The following CNGB1 variants were observed in gnomAD, a reference collection of about 807,000 sequenced individuals.
The protein encoded by CNGB1 is cyclic nucleotide gated channel subunit beta 1, also known as cyclic nucleotide-gated channel beta-1.
A neutral mutation model predicts 151.7 loss-of-function variants in CNGB1; 126 were observed. The ratio of observed to expected loss-of-function variants is 0.83; its 90% CI spans 0.72 to 0.96. The LOEUF is 0.96. CNGB1 is among the 40% of genes least tolerant of loss of function. The pLI, the probability that CNGB1 is intolerant of heterozygous loss-of-function variation, is 0.00. For synonymous variants in CNGB1, 623 were observed against 635.1 expected, an observed-to-expected ratio of 0.98 and a Z score of 0.29; for missense variants, 1,698 against 1,627.0, an observed-to-expected ratio of 1.04 and a Z score of -0.75.
rs1264371606 is a variant in CNGB1 at position 57,883,821 on chromosome 16, G to A, written c.*343C>T. On this transcript the variant is annotated 3_prime_UTR_variant, in exon 33 of 33. Transcript: ENST00000251102. Reference sequence around the variant, plus strand: ...TTTTCAGCAAAGCTTCCCATGTATTGGAGCCTCATTTTATCCCTCACCCAT... The same window carrying A: ...TTTTCAGCAAAGCTTCCCATGTATTAGAGCCTCATTTTATCCCTCACCCAT... 9.4e-6 allele frequency: 4 copies of A among 424,176 alleles called. No individual in the cohort carries two copies. The highest frequency in any genetic ancestry group is 4.9e-5 in the East Asian group (1 of 20,218). 26.3% of individuals were successfully genotyped at this position (424,176 alleles called of 1,614,324 possible).
chr16:57,894,823 A>G lies in CNGB1; in HGVS notation c.3242+2574T>C, dbSNP rs375485179. Among the ~76,000 whole-genome samples the G allele has an allele frequency of 2.0e-4, 30 of 152,328 alleles. No homozygotes were observed. In the South Asian group the frequency reaches 6.2e-3, roughly 32 times the overall value. Reference sequence around the variant, plus strand: ...GTTCTACATACTGAAAACAAGAAAAAGTCAACAAAGATCAGGGTGGCAGGA... The same window carrying G: ...GTTCTACATACTGAAAACAAGAAAAGGTCAACAAAGATCAGGGTGGCAGGA... On this transcript the variant is annotated intron_variant, in intron 31 of 32. Coordinates refer to ENST00000251102, the MANE Select transcript of CNGB1 (RefSeq NM_001297.5).
At chr16:57,889,158 T>C (rs549579878) in intron 31 of CNGB1, among the ~76,000 whole-genome samples, 2 of 152,280 alleles carry the variant, frequency 1.3e-5, no homozygotes, top group Non-Finnish European at 2.9e-5. Flanking sequence ...CTTTATTTAT[T>C]TTTTATTTGA....
At chr16:57,968,094 T>C (rs1396591067) in intron 1 of CNGB1, among the ~76,000 whole-genome samples, 1 of 152,236 alleles carries the variant, frequency 6.6e-6, no homozygotes, top group African/African-American at 2.4e-5. Context: ...AGTCAAGTCA[T>C]GAGCAGATCA....
chr16:57,965,370 T>A (rs1962367771), intron 2 of CNGB1, among the ~76,000 whole-genome samples: 1 of 152,210 alleles, frequency 6.6e-6, no homozygotes, highest in Non-Finnish European at 1.5e-5. Context: ...AACGTGCATA[T>A]ACACACATGC....
In CNGB1 at chr16:57,964,488, C is replaced by G; in HGVS notation, c.216G>C (p.Gln72His). 1.2e-6 allele frequency: 2 copies of G among 1,614,088 alleles called. No homozygotes were observed. Among genetic ancestry groups the G allele is most frequent in the Non-Finnish European group, 1.7e-6 (2 of 1,180,020 alleles). The change falls in exon 3 of 33, where the codon CAG becomes CAC. Residue 72 changes from glutamine to histidine, a missense_variant and splice_region_variant. Gln to His is a conservative substitution (Grantham distance 24). Transcript: ENST00000251102. Reference protein sequence around the residue: ...EEVAVADPSPQETKEAALTST... With the variant: ...EEVAVADPSPHETKEAALTST... ...CTGGGCTTCAGCACTCGCACTCACC[C>G]TGAGGGCTTGGGTCTGCCACAGCCA...
At chr16:57,962,046 C>T (rs1014257821) in intron 7 of CNGB1, among the ~76,000 whole-genome samples, 4 of 152,198 alleles carry the variant, frequency 2.6e-5, no homozygotes, top group South Asian at 2.1e-4. Flanking sequence ...AGGGCCTAAA[C>T]GCCAGCAAGG....
At chr16:57,897,041 C>T (rs193048924) in intron 31 of CNGB1, among the ~76,000 whole-genome samples, 1 of 152,162 alleles carries the variant, frequency 6.6e-6, no homozygotes, top group South Asian at 2.1e-4. Context: ...CAGTGGCTCA[C>T]ACCTGTAACC....
intron 25 of CNGB1, among the ~76,000 whole-genome samples, chr16:57,905,347 C>T (rs1960518716): frequency 6.7e-6 from 1 of 148,898 alleles, no homozygotes; most frequent in African/African-American, 2.4e-5. Flanking sequence ...CCTACCCGGC[C>T]CATCCATTTT....
intron 1 of CNGB1, among the ~76,000 whole-genome samples, chr16:57,969,828 T>C (rs891651058): frequency 7.2e-5 from 11 of 152,174 alleles, no homozygotes; most frequent in African/African-American, 2.7e-4. Context: ...TGCAGGTCAG[T>C]GTGTGCTAAC....
chr16:57,953,073 A>C (rs1961997779), intron 12 of CNGB1, among the ~76,000 whole-genome samples: 2 of 152,104 alleles, frequency 1.3e-5, no homozygotes, highest in South Asian at 2.1e-4. Context: ...GGCCCTACCC[A>C]GGTGCTCAGG....
intron 16 of CNGB1, among the ~76,000 whole-genome samples, chr16:57,934,131 G>A (rs1175386451): frequency 6.6e-6 from 1 of 152,050 alleles, no homozygotes; most frequent in Non-Finnish European, 1.5e-5. Context: ...CTCTGGAGAA[G>A]AGGATGAGCA....
intron 17 of CNGB1, among the ~76,000 whole-genome samples, chr16:57,927,628 G>A (rs137939102): frequency 4.1e-4 from 63 of 152,330 alleles, no homozygotes; most frequent in Non-Finnish European, 6.0e-4. Flanking sequence ...ACATGCTTGC[G>A]AATGCATGAA....
At chr16:57,898,180 A>C (rs573099535) in intron 29 of CNGB1, among the ~76,000 whole-genome samples, 2 of 152,240 alleles carry the variant, frequency 1.3e-5, no homozygotes, top group South Asian at 4.1e-4. Context: ...ATGTCATGGA[A>C]TGGGAAGTGC....
intron 27 of CNGB1, among the ~76,000 whole-genome samples, chr16:57,903,257 C>T (rs1446226406): frequency 2.0e-5 from 3 of 150,472 alleles, no homozygotes; most frequent in Non-Finnish European, 3.0e-5. Flanking sequence ...TTTGGGAGCC[C>T]GAGGCTGGCT....
rs413562 is a variant in CNGB1 at position 57,903,952 on chromosome 16, G to C, written c.2664C>G (p.Ala888=). 0.76 allele frequency: 1,224,481 copies of C among 1,613,534 alleles called. 470,130 individuals are homozygous for C. Among genetic ancestry groups the C allele is most frequent in the East Asian group, 0.93 (41,881 of 44,864 alleles). Residue 888 remains alanine (A), a synonymous_variant, in exon 27 of 33, where the codon GCC becomes GCG. Coordinates refer to ENST00000251102, the MANE Select transcript of CNGB1 (RefSeq NM_001297.5). ...TGCAGCTGCGGTAGTAGGTCTGTCC[G>C]GCGGTGGCGGCCCCTACCACATCTC... ...QMRDVVGAAT[A]GQTYYRSCMD...
chr16:57,930,030 T>C (rs1961303521), intron 17 of CNGB1, among the ~76,000 whole-genome samples: 2 of 152,202 alleles, frequency 1.3e-5, no homozygotes, highest in Admixed American at 6.5e-5. Flanking sequence ...TGGTGGTTCC[T>C]CAAAATATTA....
intron 16 of CNGB1, among the ~76,000 whole-genome samples, chr16:57,934,559 G>A (rs2077230611): frequency 6.6e-6 from 1 of 152,206 alleles, no homozygotes; most frequent in Admixed American, 6.5e-5. Flanking sequence ...CTGTGTCAAT[G>A]TGTCCCCGGG....
chr16:57,961,091 C>G (rs1316504457), intron 7 of CNGB1, among the ~76,000 whole-genome samples, 176 bp from the exon 8 acceptor site: 1 of 152,190 alleles, frequency 6.6e-6, no homozygotes, highest in Admixed American at 6.5e-5. Flanking sequence ...GAAATCCTGT[C>G]AGCCTCCATT....
rs761651354 is a variant in CNGB1, at chr16:57,887,901, A to C, written c.3416T>G (p.Leu1139Arg). Reference protein sequence around the residue: ...LAHLRARLKELAALEAAAKQQ... With the variant: ...LAHLRARLKERAALEAAAKQQ... ...CTTTGCAGCCGCCTCCAGCGCGGCC[A>C]GTTCTTTGAGCCGGGCCCGGAGGTG... Residue 1139 changes from leucine (L) to arginine (R), a missense_variant, in exon 32 of 33, where the codon CTG (leucine) becomes CGG (arginine). Transcript: ENST00000251102. The C allele has an allele frequency of 6.2e-7, 1 of 1,614,178 alleles. No homozygotes were observed. The highest frequency in any genetic ancestry group is 8.5e-7 in the Non-Finnish European group (1 of 1,180,030).
Sources: gnomAD v4.1 joint callset for allele counts (sites outside exome capture counted in the v4.1 genomes callset) on GRCh38, gnomAD v4.1.1 for gene constraint, MANE v1.5 for transcripts, NCBI Gene and HGNC (gene_info 2026-07-23, HGNC 2026-07-21) for gene names.